Variants in ADIPOR1 observed in about 807,000 individuals in gnomAD.
ADIPOR1 encodes the protein adiponectin receptor protein 1.
A neutral mutation model predicts 37.5 loss-of-function variants in ADIPOR1; 15 were observed. The ratio of observed to expected loss-of-function variants is 0.40; its 90% CI spans 0.27 to 0.62. The LOEUF (loss-of-function observed/expected upper bound fraction) is 0.62. Among genes scored for constraint, ADIPOR1 ranks in the 20% least tolerant of loss-of-function variants. The pLI is 0.42. For missense variants in ADIPOR1, 286 were observed against 478.0 expected, an observed-to-expected ratio of 0.60 and a Z score of 3.75; for synonymous variants, 173 against 173.2, an observed-to-expected ratio of 1.00 and a Z score of 0.01.
intron 5 of ADIPOR1, chr1:202,944,730 AGTGC>A (rs2102483516): frequency 3.5e-6 from 1 of 283,764 alleles, no homozygotes; most frequent in South Asian, 1.1e-4. Flanking sequence ...CACAAAAGAT[AGTGC>A]TTTTCAGGTA....
At position 202,946,478 on chromosome 1, in the gene ADIPOR1, T is replaced by C; in HGVS notation, c.391A>G (p.Ile131Val). 5 of 1,614,084 alleles carry C rather than the reference T, an allele frequency of 3.1e-6. No homozygotes were observed. The highest frequency in any genetic ancestry group is 4.2e-6 in the Non-Finnish European group (5 of 1,180,016). ...CAGATGTTGCCAGTTTCTGTATGAA[T>C]GCGGAAGATGCTCTTGAAGCAAGCC... ...FRACFKSIFRIHTETGNIWTH... is the reference protein window; with the variant it reads ...FRACFKSIFRVHTETGNIWTH... The change falls in exon 4 of 8, where the codon ATT becomes GTT. Residue 131 changes from isoleucine to valine, a missense_variant. Physicochemically the swap from Ile to Val is conservative, Grantham distance 29 (BLOSUM62 3). Transcript: ENST00000340990.
At chr1:202,953,099 T>A (rs1463764835) in intron 1 of ADIPOR1, among the ~76,000 whole-genome samples, 2 of 152,140 alleles carry the variant, frequency 1.3e-5, no homozygotes, top group Admixed American at 6.5e-5. Flanking sequence ...TGGAAGCCTA[T>A]GAAAACCTCG....
At chr1:202,941,726 C>A in intron 7 of ADIPOR1, 25 bp from the exon 8 acceptor site, 2 of 1,599,654 alleles carry the variant, frequency 1.3e-6, no homozygotes, top group Non-Finnish European at 1.7e-6. Flanking sequence ...AGAAAAGAGC[C>A]TTTAGGATAA....
Position 202,945,179 on chromosome 1 carries a change from G to A in ADIPOR1, c.431-10C>T. Reference sequence around the variant, plus strand: ...AGAAACAGCACGAAACCTGCAGGAGGGTAAAATAAAAAAAACCTGTAAGAA... The same window carrying A: ...AGAAACAGCACGAAACCTGCAGGAGAGTAAAATAAAAAAAACCTGTAAGAA... On this transcript the variant is annotated splice_polypyrimidine_tract_variant and intron_variant, in intron 4 of 7. Transcript: ENST00000340990. 6.4e-7 allele frequency: 1 copy of A among 1,569,850 alleles called. No individual in the cohort carries two copies. Among genetic ancestry groups the A allele is most frequent in the Middle Eastern group, 2.1e-4 (1 of 4,824 alleles).
chr1:202,955,929 C>T (rs1030653909), intron 1 of ADIPOR1, among the ~76,000 whole-genome samples: 1 of 152,232 alleles, frequency 6.6e-6, no homozygotes, highest in Admixed American at 6.5e-5. Flanking sequence ...GCACCTGCCA[C>T]CACATCCGGA....
chr1:202,946,176 CA>C (rs1654307529), intron 4 of ADIPOR1, among the ~76,000 whole-genome samples: 1 of 152,064 alleles, frequency 6.6e-6, no homozygotes, highest in Non-Finnish European at 1.5e-5. Context: ...TTACGAAGTA[CA>C]AGGAATTGTC....
chr1:202,948,514 C>A, intron 2 of ADIPOR1, 94 bp from the exon 3 acceptor site: 1 of 1,004,368 alleles, frequency 1.0e-6, no homozygotes, highest in South Asian at 1.3e-5. Context: ...AAACCTAATG[C>A]CTTCTGCCCA....
At chr1:202,942,931 T>G (rs1017799068) in intron 6 of ADIPOR1, among the ~76,000 whole-genome samples, 2 of 151,230 alleles carry the variant, frequency 1.3e-5, no homozygotes, top group African/African-American at 4.9e-5. Context: ...AGTGGCGTGA[T>G]CTTGGCTCAC....
chr1:202,950,912 C>A lies in ADIPOR1; in HGVS notation c.141+18G>T. The A allele has an allele frequency of 6.2e-7, 1 of 1,614,080 alleles. No homozygotes were observed. The highest frequency in any genetic ancestry group is 8.5e-7 in the Non-Finnish European group (1 of 1,179,992). ...AGAGAAACTGAACAAGGGGATGACT[C>A]CTGGGAAGATGACTTACTTTGGGTG... On this transcript the variant is annotated intron_variant, in intron 2 of 7. Coordinates refer to ENST00000340990, the MANE Select transcript of ADIPOR1 (RefSeq NM_015999.6).
rs1243343323 is a variant in ADIPOR1 at position 202,941,380 on chromosome 1, C to T, written c.*193G>A. ...GGCTAAGTTTGACCATGCCCCATCC[C>T]CAGCTAGGAGAATGGAAATGGAAAG... On this transcript the variant is annotated 3_prime_UTR_variant, in exon 8 of 8. Coordinates refer to ENST00000340990, the MANE Select transcript of ADIPOR1 (RefSeq NM_015999.6). 1.8e-6 allele frequency: 1 copy of T among 562,372 alleles called. No individual in the cohort carries two copies. The highest frequency in any genetic ancestry group is 2.8e-6 in the Non-Finnish European group (1 of 355,368). The allele number at this position is 562,372 out of a possible 1,614,324, so 34.8% of individuals were successfully genotyped here. A position where few individuals can be genotyped will look rare whatever the true frequency, so the allele number is the denominator to read the frequency against.
chr1:202,952,218 C>A (rs919563906), intron 1 of ADIPOR1, among the ~76,000 whole-genome samples: 3 of 152,164 alleles, frequency 2.0e-5, no homozygotes. Context: ...ATAGCAATAG[C>A]AGTAGCCAGA....
chr1:202,943,404 C>CT (rs1654179648), intron 6 of ADIPOR1, among the ~76,000 whole-genome samples: 1 of 152,318 alleles, frequency 6.6e-6, no homozygotes, highest in South Asian at 2.1e-4. Context: ...TAAAATGCCT[C>CT]TGAGTGTTTT....
chr1:202,950,974 G>C lies in ADIPOR1; in HGVS notation c.97C>G (p.Leu33Val). Reference sequence around the variant, plus strand: ...ACCCGTTTGCCCTTCTCTTCTAGCAGGGGTCCCAGTTCAGCCAGTTCCACC... The same window carrying C: ...ACCCGTTTGCCCTTCTCTTCTAGCACGGGTCCCAGTTCAGCCAGTTCCACC... Reference protein sequence around the residue: ...DTVELAELGPLLEEKGKRVIA... With the variant: ...DTVELAELGPVLEEKGKRVIA... Residue 33 changes from leucine to valine, a missense_variant, in exon 2 of 8, where the codon CTG (leucine) becomes GTG (valine). Physicochemically the swap from Leu to Val is conservative, Grantham distance 32. Coordinates refer to ENST00000340990, the MANE Select transcript of ADIPOR1 (RefSeq NM_015999.6). 1 of 1,614,188 alleles carries C rather than the reference G, an allele frequency of 6.2e-7. No homozygotes were observed. The highest frequency in any genetic ancestry group is 1.6e-4 in the Middle Eastern group (1 of 6,062).
chr1:202,944,170 A>G (rs1654211701), intron 5 of ADIPOR1: 1 of 461,460 alleles, frequency 2.2e-6, no homozygotes, highest in Non-Finnish European at 3.9e-6. Context: ...CATTCAAAGA[A>G]CTCTATCCCT....
chr1:202,958,012 G>C (rs1468232716), intron 1 of ADIPOR1, among the ~76,000 whole-genome samples, 173 bp downstream of exon 1: 5 of 152,316 alleles, frequency 3.3e-5, no homozygotes, highest in Admixed American at 3.3e-4. Flanking sequence ...TTTACAACCT[G>C]ACCGGCTGGA....
At chr1:202,944,574 A>G (rs2102483316) in intron 5 of ADIPOR1, 1 of 155,898 alleles carries the variant, frequency 6.4e-6, no homozygotes, top group African/African-American at 2.4e-5. Context: ...TGGGCAGCAA[A>G]GATAAGCTTT....
intron 6 of ADIPOR1, 26 bp from the exon 7 acceptor site, chr1:202,942,244 C>A: frequency 1.3e-6 from 2 of 1,567,880 alleles, no homozygotes; most frequent in South Asian, 2.4e-5. Context: ...ATAAGACTGT[C>A]AAACAAGGAA....
chr1:202,945,801 G>T, intron 4 of ADIPOR1, among the ~76,000 whole-genome samples: 1 of 152,196 alleles, frequency 6.6e-6, no homozygotes, highest in East Asian at 1.9e-4. Context: ...TTATAAGTGG[G>T]AGCTAAGCTA....
At chr1:202,944,236 T>C (rs1558010573) in intron 5 of ADIPOR1, 1 of 252,764 alleles carries the variant, frequency 4.0e-6, no homozygotes, top group East Asian at 7.4e-5. Context: ...ATTTAGAAAT[T>C]CCATCACAAT....
Sources: gnomAD v4.1 joint callset for allele counts (sites outside exome capture counted in the v4.1 genomes callset) on GRCh38, gnomAD v4.1.1 for gene constraint, MANE v1.5 for transcripts, NCBI Gene and HGNC (gene_info 2026-07-23, HGNC 2026-07-21) for gene names.